The following GRIN2B variants were observed in gnomAD, a reference collection of about 807,000 sequenced individuals.
The protein encoded by GRIN2B is glutamate receptor ionotropic, NMDA 2B.
Under a neutral mutation model 114.5 loss-of-function variants are expected in GRIN2B, and 5 were observed. That is an observed-to-expected ratio of 0.04 (90% confidence interval 0.02 to 0.09). The LOEUF (loss-of-function observed/expected upper bound fraction) is 0.09. Ranked by LOEUF, GRIN2B falls within the 10% of genes least tolerant of loss-of-function variation. The probability of loss-of-function intolerance (pLI) is 1.00; values close to 1 mark genes in which losing one functional copy is unlikely to be tolerated. For missense variants in GRIN2B, 1,108 were observed against 1,943.5 expected (o/e 0.57, Z 8.08); for synonymous variants, 787 against 745.1 (o/e 1.06, Z -0.92).
chr12:13,944,073 G>A (rs761554310), intron 2 of GRIN2B, among the ~76,000 whole-genome samples: 5 of 152,110 alleles, frequency 3.3e-5, no homozygotes, highest in Middle Eastern at 3.2e-3. Context: ...AACAAATCTA[G>A]AAAAGACAAT....
chr12:13,754,958 G>A (rs1000580933), intron 3 of GRIN2B, among the ~76,000 whole-genome samples: 1 of 152,164 alleles, frequency 6.6e-6, no homozygotes, highest in African/African-American at 2.4e-5. Flanking sequence ...TTAGCTAGAT[G>A]AGTCCGAAAA....
chr12:13,622,732 A>T (rs1949530250), intron 5 of GRIN2B, among the ~76,000 whole-genome samples: 1 of 152,126 alleles, frequency 6.6e-6, no homozygotes, highest in Admixed American at 6.5e-5. Flanking sequence ...GCAGGAGAGT[A>T]TGTGTGAGAG....
At chr12:13,883,710 T>A (rs973980984) in intron 2 of GRIN2B, among the ~76,000 whole-genome samples, 1 of 152,104 alleles carries the variant, frequency 6.6e-6, no homozygotes, top group African/African-American at 2.4e-5. Flanking sequence ...AAAATATGTA[T>A]TTTATAAATA....
chr12:13,610,363 T>G (rs576517483), intron 9 of GRIN2B, among the ~76,000 whole-genome samples: 2 of 152,374 alleles, frequency 1.3e-5, no homozygotes, highest in African/African-American at 4.8e-5. Flanking sequence ...AATCTGGATT[T>G]TCGGCTCCTG....
chr12:13,639,784 G>C (rs773534722), intron 5 of GRIN2B, among the ~76,000 whole-genome samples: 5 of 151,834 alleles, frequency 3.3e-5, no homozygotes, highest in Non-Finnish European at 7.4e-5. Context: ...TTATCCTATT[G>C]TTGCTTCTTT....
chr12:13,708,355 A>C (rs890270963), intron 4 of GRIN2B, among the ~76,000 whole-genome samples: 1 of 152,084 alleles, frequency 6.6e-6, no homozygotes. Flanking sequence ...GAGATTAAGA[A>C]AAGTCACCAG....
intron 3 of GRIN2B, among the ~76,000 whole-genome samples, chr12:13,770,685 A>T (rs1863890564): frequency 6.6e-6 from 1 of 152,178 alleles, no homozygotes; most frequent in Non-Finnish European, 1.5e-5. Flanking sequence ...TGTAATGGAC[A>T]GGCCCTGGTG....
At chr12:13,832,271 A>T (rs1417269422) in intron 3 of GRIN2B, among the ~76,000 whole-genome samples, 1 of 152,254 alleles carries the variant, frequency 6.6e-6, no homozygotes, top group Non-Finnish European at 1.5e-5. Context: ...GCTACTTTTC[A>T]TTCAGATATA....
chr12:13,656,547 G>T (rs1473013213), intron 5 of GRIN2B, among the ~76,000 whole-genome samples: 1 of 152,158 alleles, frequency 6.6e-6, no homozygotes, highest in Non-Finnish European at 1.5e-5. Flanking sequence ...GAAGAAATCT[G>T]CTCTAGGTTG....
chr12:13,641,994 C>T (rs550272356), intron 5 of GRIN2B, among the ~76,000 whole-genome samples: 1 of 152,080 alleles, frequency 6.6e-6, no homozygotes, highest in Non-Finnish European at 1.5e-5. Context: ...TCGAGACCAG[C>T]CTGGCCAATG....
intron 2 of GRIN2B, among the ~76,000 whole-genome samples, chr12:13,934,836 G>A (rs1867099407): frequency 6.9e-6 from 1 of 144,050 alleles, no homozygotes; most frequent in African/African-American, 3.0e-5. Context: ...AAAGCCATGT[G>A]TGCTCATACA....
intron 2 of GRIN2B, 46 bp from the exon 3 acceptor site, chr12:13,866,272 G>C: frequency 6.5e-7 from 1 of 1,538,534 alleles, no homozygotes; most frequent in Non-Finnish European, 8.9e-7. Context: ...TCTACATCAC[G>C]TAACCTGTCT....
chr12:13,632,177 A>G (rs1342214303), intron 5 of GRIN2B, among the ~76,000 whole-genome samples: 1 of 152,268 alleles, frequency 6.6e-6, no homozygotes, highest in Non-Finnish European at 1.5e-5. Flanking sequence ...TCAGTTTACA[A>G]AAGAGAATGA....
intron 2 of GRIN2B, among the ~76,000 whole-genome samples, chr12:13,978,092 G>T (rs1299242715): frequency 6.6e-6 from 1 of 152,078 alleles, no homozygotes; most frequent in Non-Finnish European, 1.5e-5. Flanking sequence ...TGGGTGTAGA[G>T]TACTGGTGTT....
intron 3 of GRIN2B, among the ~76,000 whole-genome samples, chr12:13,809,061 T>C (rs962930387): frequency 2.0e-5 from 3 of 152,102 alleles, no homozygotes; most frequent in Non-Finnish European, 4.4e-5. Flanking sequence ...AGACAATTCT[T>C]TGATGTAGGG....
At chr12:13,760,623 T>C (rs1275644558) in intron 3 of GRIN2B, among the ~76,000 whole-genome samples, 1 of 152,218 alleles carries the variant, frequency 6.6e-6, no homozygotes, top group Non-Finnish European at 1.5e-5. Flanking sequence ...TGAAAAACTC[T>C]GGAACTGGTA....
At chr12:13,748,787 C>T (rs573921510) in intron 4 of GRIN2B, among the ~76,000 whole-genome samples, 9 of 152,210 alleles carry the variant, frequency 5.9e-5, no homozygotes, top group African/African-American at 1.9e-4. Flanking sequence ...TATATGTATT[C>T]AAAGTAGGGT....
At chr12:13,861,352 G>A (rs1221018283) in intron 3 of GRIN2B, among the ~76,000 whole-genome samples, 2 of 151,998 alleles carry the variant, frequency 1.3e-5, no homozygotes, top group Non-Finnish European at 2.9e-5. Flanking sequence ...GAAAACCCAG[G>A]GAAGATTTCA....
intron 4 of GRIN2B, among the ~76,000 whole-genome samples, chr12:13,679,937 T>C (rs769527533): frequency 3.3e-5 from 5 of 152,090 alleles, no homozygotes; most frequent in Admixed American, 6.6e-5. Context: ...AGGAAAACTA[T>C]ATAAAATATG....
Sources: gnomAD v4.1 joint callset for allele counts (sites outside exome capture counted in the v4.1 genomes callset) on GRCh38, gnomAD v4.1.1 for gene constraint, MANE v1.5 for transcripts, NCBI Gene and HGNC (gene_info 2026-07-23, HGNC 2026-07-21) for gene names.